Variants in MFSD11 observed in about 807,000 individuals in gnomAD.
MFSD11 encodes the protein major facilitator superfamily domain containing 11, also known as UNC93-like protein MFSD11.
Under a neutral mutation model 53.5 loss-of-function variants are expected in MFSD11, and 36 were observed. The ratio of observed to expected loss-of-function variants is 0.67; its 90% CI spans 0.52 to 0.89. MFSD11 has a LOEUF of 0.89. Ranked by LOEUF, MFSD11 falls within the 40% of genes least tolerant of loss-of-function variation. The probability of loss-of-function intolerance (pLI) is 0.00; values close to 1 mark genes in which losing one functional copy is unlikely to be tolerated. For missense variants in MFSD11, 530 were observed against 543.9 expected (o/e 0.97, Z 0.25); for synonymous variants, 186 against 184.9 (o/e 1.01, Z -0.05).
At chr17:76,737,038 G>C (rs61742139), upstream of MFSD11, 35 of 1,613,208 alleles carry the variant, frequency 2.2e-5, no homozygotes, top group Non-Finnish European at 8.5e-7. Flanking sequence ...TGTACACGTC[G>C]CCGACGCGCC....
At position 76,776,696 on chromosome 17, in the gene MFSD11, A is replaced by G. The variant is rs1445984848; in HGVS notation, c.1185+155A>G. 6.6e-6 allele frequency among the ~76,000 whole-genome samples: 1 copy of G among 152,056 alleles called. No individual in the cohort carries two copies. The highest frequency in any genetic ancestry group is 1.5e-5 in the Non-Finnish European group (1 of 68,016). On this transcript the variant is annotated intron_variant, in intron 12 of 12. Coordinates refer to ENST00000685175, the MANE Select transcript of MFSD11 (RefSeq NM_001242532.5). The surrounding 1 kb of genome is among the most constrained non-coding windows in gnomAD (Gnocchi z 4.2). ...CTCTCTGTCACTCAGGCTGGAGTGC[A>G]GTAGCGCAATCTTGACTCGCTGCAA... is the stretch of plus-strand genomic sequence containing the variant.
At chr17:76,756,041 C>G (rs1337788656) in intron 8 of MFSD11, among the ~76,000 whole-genome samples, 2 of 149,860 alleles carry the variant, frequency 1.3e-5, no homozygotes, top group African/African-American at 2.5e-5. Context: ...TTAGGCTGGT[C>G]TCAAACTCCC....
In MFSD11 at chr17:76,778,260, A is replaced by G; in HGVS notation, c.1258A>G (p.Ile420Val). The G allele has an allele frequency of 6.2e-7, 1 of 1,614,044 alleles. No homozygotes were observed. Among genetic ancestry groups the G allele is most frequent in the Non-Finnish European group, 8.5e-7 (1 of 1,180,016 alleles). Residue 420 changes from isoleucine to valine, a missense_variant, in exon 13 of 13, where the codon ATA becomes GTA. Transcript: ENST00000685175. ...LLHWQLLVMV[I>V]FGFFGTISFF... ...TCACTGGCAACTCCTGGTCATGGTG[A>G]TATTTGGGTTTTTTGGAACAATTTC... is the stretch of plus-strand genomic sequence containing the variant.
the MFSD11 span, among the ~76,000 whole-genome samples, chr17:76,802,021 C>T: frequency 2.0e-5 from 3 of 151,862 alleles, no homozygotes; most frequent in East Asian, 5.8e-4. Context: ...TCACACTTAG[C>T]ACTTTGGGAG....
At chr17:76,799,425 T>A in the MFSD11 span, 5 of 151,128 alleles carry the variant, frequency 3.3e-5, no homozygotes, top group Non-Finnish European at 7.4e-5. Flanking sequence ...TTATTATTAT[T>A]TTTGAGACAC....
At chr17:76,744,008 C>T (rs1425567536) in intron 6 of MFSD11, among the ~76,000 whole-genome samples, 3 of 152,304 alleles carry the variant, frequency 2.0e-5, no homozygotes, top group East Asian at 3.9e-4. Flanking sequence ...CACGAGCTTA[C>T]GAGAATACTG....
intron 8 of MFSD11, among the ~76,000 whole-genome samples, chr17:76,764,416 C>A (rs1379843821): frequency 6.6e-6 from 1 of 152,150 alleles, no homozygotes; most frequent in East Asian, 1.9e-4. Context: ...ATTTCCCCCA[C>A]CCTCCAGCCC....
At position 76,765,511 on chromosome 17, in the gene MFSD11, G is replaced by T. The variant is rs79127601; in HGVS notation, c.683-1875G>T. On this transcript the variant is annotated intron_variant, in intron 8 of 12. Coordinates refer to ENST00000685175, the MANE Select transcript of MFSD11 (RefSeq NM_001242532.5). ...AGGGTGTTGCTCTGCCGCCTAGGGCGGAGTACAGTGGCTTGATCAGAGCTC... is the reference window on the plus strand; with the variant it reads ...AGGGTGTTGCTCTGCCGCCTAGGGCTGAGTACAGTGGCTTGATCAGAGCTC... 2.1e-5 allele frequency among the ~76,000 whole-genome samples: 3 copies of T among 144,056 alleles called. 1 individual carries two copies. The highest frequency in any genetic ancestry group is 4.4e-4 in the South Asian group (2 of 4,586). 94.5% of individuals were successfully genotyped at this position (144,056 alleles called of 152,430 possible).
the MFSD11 span, among the ~76,000 whole-genome samples, chr17:76,788,603 G>C: frequency 2.0e-5 from 3 of 149,598 alleles, no homozygotes; most frequent in Admixed American, 2.0e-4. Flanking sequence ...TGTAATCTCA[G>C]CACTTTGGGA....
chr17:76,780,757 G>T (rs1016894505), downstream of MFSD11, among the ~76,000 whole-genome samples: 4 of 151,718 alleles, frequency 2.6e-5, no homozygotes, highest in Admixed American at 6.6e-5. Flanking sequence ...CTCATGATCC[G>T]CCTGCCTCAG....
chr17:76,795,123 G>A, the MFSD11 span, among the ~76,000 whole-genome samples: 1 of 151,916 alleles, frequency 6.6e-6, no homozygotes. Flanking sequence ...TTTTTCTTAT[G>A]AGTCCCTAAA....
At chr17:76,793,410 G>C in the MFSD11 span, among the ~76,000 whole-genome samples, 4 of 151,492 alleles carry the variant, frequency 2.6e-5, no homozygotes, top group Non-Finnish European at 1.5e-5. Flanking sequence ...ATATGGCTCT[G>C]TTCCGCCCGG....
chr17:76,787,810 C>G, the MFSD11 span, among the ~76,000 whole-genome samples: 1 of 149,584 alleles, frequency 6.7e-6, no homozygotes, highest in Non-Finnish European at 1.5e-5. Flanking sequence ...CCTTATTATA[C>G]CCACCTTTTT....
chr17:76,773,012 C>G (rs1026606290), intron 10 of MFSD11: 1 of 152,306 alleles, frequency 6.6e-6, no homozygotes, highest in Non-Finnish European at 1.5e-5. Context: ...CTGGTGGGAC[C>G]AGACACTATA....
upstream of MFSD11, chr17:76,736,788 G>A (rs971118278): frequency 3.3e-6 from 5 of 1,527,536 alleles, no homozygotes; most frequent in African/African-American, 2.7e-5. Context: ...GGTCCCCTCA[G>A]CCCCGTTTAC....
At chr17:76,743,569 C>G (rs1211551076) in intron 6 of MFSD11, 113 bp downstream of exon 6, 1 of 565,616 alleles carries the variant, frequency 1.8e-6, no homozygotes, top group Non-Finnish European at 3.0e-6. Flanking sequence ...CCCGACACCT[C>G]AAGTTCTCGC....
intron 8 of MFSD11, among the ~76,000 whole-genome samples, chr17:76,757,797 T>A (rs2079801160): frequency 6.6e-6 from 1 of 151,966 alleles, no homozygotes; most frequent in Non-Finnish European, 1.5e-5. Flanking sequence ...GATCACGAGG[T>A]CAGGAGTTCA....
the MFSD11 span, among the ~76,000 whole-genome samples, chr17:76,796,612 A>G: frequency 6.4e-3 from 978 of 152,222 alleles, 10 homozygotes; most frequent in African/African-American, 0.022. Context: ...CAGTCCCACA[A>G]GACTACCATT....
chr17:76,776,415 T>A lies in MFSD11; in HGVS notation c.1059T>A (p.Val353=). Residue 353 remains valine (V), a synonymous_variant, in exon 12 of 13, where the codon GTT becomes GTA. Transcript: ENST00000685175. This position sits in a 1 kb window ranked among gnomAD's most constrained non-coding sequence, Gnocchi z 4.2. ...TTTTTATTTTCTTCAGCAAAGAAGTTGCCATTCTCTGCAGTTTTCTGTTGG... is the reference window on the plus strand; with the variant it reads ...TTTTTATTTTCTTCAGCAAAGAAGTAGCCATTCTCTGCAGTTTTCTGTTGG... ...SSAYIKSSKE[V]AILCSFLLGL... is the part of the protein sequence containing the mutation. The A allele has an allele frequency of 6.2e-7, 1 of 1,613,788 alleles. No homozygotes were observed. The highest frequency in any genetic ancestry group is 8.5e-7 in the Non-Finnish European group (1 of 1,179,902).
Sources: gnomAD v4.1 joint callset for allele counts (sites outside exome capture counted in the v4.1 genomes callset) on GRCh38, gnomAD v4.1.1 for gene constraint, Gnocchi (gnomAD v3.1) non-coding constraint, MANE v1.5 for transcripts, NCBI Gene and HGNC (gene_info 2026-07-23, HGNC 2026-07-21) for gene names.